Variants in IQCH observed in about 807,000 individuals in gnomAD.
IQCH encodes IQ motif containing H, also known as IQ domain-containing protein H.
In IQCH, 98 loss-of-function variants were observed where a neutral mutation model predicts 117.0. That is an observed-to-expected ratio of 0.84 (90% CI 0.71 to 0.99). The LOEUF (loss-of-function observed/expected upper bound fraction) is 0.99. Among genes scored for constraint, IQCH ranks in the 50% least tolerant of loss-of-function variants. The pLI is 0.00. For missense variants in IQCH, 1,102 were observed against 1,243.8 expected (o/e 0.89, Z 1.72); for synonymous variants, 412 against 448.2 (o/e 0.92, Z 1.02).
At chr15:67,382,507 A>G (rs1488634171) in intron 10 of IQCH, among the ~76,000 whole-genome samples, 1 of 152,256 alleles carries the variant, frequency 6.6e-6, no homozygotes, top group East Asian at 1.9e-4. Context: ...TTGAAGGGCC[A>G]TTATTCTGCC....
intron 4 of IQCH, among the ~76,000 whole-genome samples, chr15:67,280,595 G>A (rs940260069): frequency 6.6e-6 from 1 of 152,100 alleles, no homozygotes; most frequent in African/African-American, 2.4e-5. Flanking sequence ...TCATTCATTA[G>A]GGTTCTACCC....
chr15:67,286,828 G>A lies in IQCH; in HGVS notation c.387+7316G>A, dbSNP rs144144638. 5.0e-3 allele frequency among the ~76,000 whole-genome samples: 761 copies of A among 151,940 alleles called. 8 individuals are homozygous for A. Among genetic ancestry groups the A allele is most frequent in the African/African-American group, 0.018 (730 of 41,444 alleles). On this transcript the variant is annotated intron_variant, in intron 4 of 20. Coordinates refer to ENST00000335894, the MANE Select transcript of IQCH (RefSeq NM_001031715.3). Reference sequence around the variant, plus strand: ...GGGTTTCACCATGTTGGTCAGGCTGGTCTCAAACTCCTGACCTCAAATGAT... The same window carrying A: ...GGGTTTCACCATGTTGGTCAGGCTGATCTCAAACTCCTGACCTCAAATGAT...
rs558881266 is a variant in IQCH, at chr15:67,383,061, CGT to C, written c.1373-1874_1373-1873del. ...GCTCTGCTGATGTCATTGTACATTG[CGT>C]TGTATCTTGTCCATGTAGAATGGTC... On this transcript the variant is annotated intron_variant, in intron 10 of 20. Transcript: ENST00000335894. Among the ~76,000 whole-genome samples the C allele has an allele frequency of 3.1e-4, 47 of 152,144 alleles. No individual in the cohort carries two copies. In the South Asian group the frequency reaches 9.1e-3, roughly 30 times the overall value.
intron 20 of IQCH, among the ~76,000 whole-genome samples, chr15:67,498,201 AT>A: frequency 6.6e-6 from 1 of 152,246 alleles, no homozygotes; most frequent in Non-Finnish European, 1.5e-5. Context: ...AAACCCATAC[AT>A]AATGGCCAAT....
At chr15:67,357,464 A>G (rs1969939767) in intron 7 of IQCH, 43 bp downstream of exon 7, 1 of 1,225,384 alleles carries the variant, frequency 8.2e-7, no homozygotes, top group East Asian at 2.3e-5. Flanking sequence ...ATTCTTATTT[A>G]CAGCACTTTC....
At chr15:67,322,827 G>A (rs1305947686) in intron 4 of IQCH, among the ~76,000 whole-genome samples, 3 of 152,088 alleles carry the variant, frequency 2.0e-5, no homozygotes, top group Admixed American at 2.0e-4. Context: ...TTATCTTCCA[G>A]TCTTGCTGGG....
At position 67,279,520 on chromosome 15, in the gene IQCH, T is replaced by C. The variant is rs774587540; in HGVS notation, c.387+8T>C. On this transcript the variant is annotated splice_region_variant and intron_variant, in intron 4 of 20. Coordinates refer to ENST00000335894, the MANE Select transcript of IQCH (RefSeq NM_001031715.3). The stretch of plus-strand genomic sequence containing the variant: ...GTCTTTCCAAGAGCAAAGGTAGGTA[T>C]AGAGAAATTCATAGAGACAGAAAGT... The C allele has an allele frequency of 2.7e-6, 4 of 1,508,740 alleles. No individual in the cohort carries two copies. The South Asian group carries it at 3.5e-5, about 13-fold the overall frequency. The allele number at this position is 1,508,740 out of a possible 1,614,324, so 93.5% of individuals were successfully genotyped here. A position where few individuals can be genotyped will look rare whatever the true frequency, so the allele number is the denominator to read the frequency against.
intron 4 of IQCH, among the ~76,000 whole-genome samples, chr15:67,300,654 C>CT: frequency 6.6e-6 from 1 of 152,302 alleles, no homozygotes; most frequent in Non-Finnish European, 1.5e-5. Flanking sequence ...TAAATAGCCT[C>CT]TCTCAACTTT....
At chr15:67,460,913 A>G (rs992157669) in intron 16 of IQCH, among the ~76,000 whole-genome samples, 1 of 152,212 alleles carries the variant, frequency 6.6e-6, no homozygotes, top group Admixed American at 6.5e-5. Context: ...ATAAGTCATC[A>G]TAAGTCATGT....
intron 14 of IQCH, among the ~76,000 whole-genome samples, chr15:67,409,785 C>T (rs2081398594): frequency 6.6e-6 from 1 of 152,184 alleles, no homozygotes. Context: ...ATACCAAAAA[C>T]ATTTGTGTGC....
At chr15:67,462,438 A>G (rs2082822056) in intron 16 of IQCH, among the ~76,000 whole-genome samples, 1 of 151,754 alleles carries the variant, frequency 6.6e-6, no homozygotes, top group South Asian at 2.1e-4. Flanking sequence ...AAAAAAAAAA[A>G]AAAGAAAGAA....
rs2082906026 is a variant in IQCH, at chr15:67,465,399, G to GA, written c.2676+105dup. 6.3e-6 allele frequency: 8 copies of GA among 1,264,470 alleles called. No homozygotes were observed. The Admixed American group carries it at 1.1e-4, about 17-fold the overall frequency. The allele number at this position is 1,264,470 out of a possible 1,614,324, so 78.3% of individuals were successfully genotyped here. A position where few individuals can be genotyped will look rare whatever the true frequency, so the allele number is the denominator to read the frequency against. On this transcript the variant is annotated intron_variant, in intron 17 of 20. Transcript: ENST00000335894. This position sits in a 1 kb window ranked among gnomAD's most constrained non-coding sequence, Gnocchi z 5.9. Reference sequence around the variant, plus strand: ...CCAGGATCTTTGAGTACAGGAAGAAGAAAGAGCCTAAGGCAAGTCATTGGA... The same window carrying GA: ...CCAGGATCTTTGAGTACAGGAAGAAGAAAAGAGCCTAAGGCAAGTCATTGGA...
intron 4 of IQCH, among the ~76,000 whole-genome samples, chr15:67,305,196 C>CT (rs1967237668): frequency 6.6e-6 from 1 of 152,002 alleles, no homozygotes; most frequent in Non-Finnish European, 1.5e-5. Flanking sequence ...TTCAAAAGCT[C>CT]TTAAATGTAT....
intron 6 of IQCH, among the ~76,000 whole-genome samples, chr15:67,351,367 T>C (rs4352000): frequency 0.21 from 31,955 of 152,100 alleles, 4,096 homozygotes; most frequent in East Asian, 0.48. Context: ...TGTGTTAGTT[T>C]GCTGAAGGTG....
intron 1 of IQCH, among the ~76,000 whole-genome samples, chr15:67,258,405 C>T (rs567905756): frequency 2.6e-5 from 4 of 151,838 alleles, no homozygotes; most frequent in Middle Eastern, 3.4e-3. Flanking sequence ...GTGGCATGCT[C>T]TTATAATCCC....
intron 6 of IQCH, among the ~76,000 whole-genome samples, chr15:67,355,630 A>G (rs969541870): frequency 2.6e-5 from 4 of 152,104 alleles, no homozygotes; most frequent in Non-Finnish European, 5.9e-5. Context: ...ACAAAAGCAT[A>G]CAAGTTTGTC....
chr15:67,378,150 C>T (rs774547889), intron 10 of IQCH, among the ~76,000 whole-genome samples: 4 of 152,094 alleles, frequency 2.6e-5, no homozygotes, highest in Non-Finnish European at 5.9e-5. Flanking sequence ...AAAGCTTGAA[C>T]TCACCTACAT....
intron 14 of IQCH, among the ~76,000 whole-genome samples, chr15:67,414,345 G>T (rs183039300): frequency 6.6e-6 from 1 of 152,170 alleles, no homozygotes; most frequent in Admixed American, 6.5e-5. Context: ...TGGAGAGCAC[G>T]GAGAAAGCTT....
Position 67,500,034 on chromosome 15 carries a change from T to C in IQCH, c.2971-599T>C, listed in dbSNP as rs1419485416. Among the ~76,000 whole-genome samples the C allele has an allele frequency of 6.6e-6, 1 of 152,150 alleles. No individual in the cohort carries two copies. The highest frequency in any genetic ancestry group is 1.5e-5 in the Non-Finnish European group (1 of 67,998). On this transcript the variant is annotated intron_variant, in intron 20 of 20. Coordinates refer to ENST00000335894, the MANE Select transcript of IQCH (RefSeq NM_001031715.3). This position sits in a 1 kb window ranked among gnomAD's most constrained non-coding sequence, Gnocchi z 4.4. Reference sequence around the variant, plus strand: ...TTGGGGTGATGAAAATGTTCTGGAATTATATAGTAGCGATGGTTACTTGCA... The same window carrying C: ...TTGGGGTGATGAAAATGTTCTGGAACTATATAGTAGCGATGGTTACTTGCA...
Sources: allele counts gnomAD v4.1 joint callset (sites outside exome capture counted in the v4.1 genomes callset), GRCh38; gene constraint gnomAD v4.1.1; non-coding constraint Gnocchi (gnomAD v3.1); transcripts MANE v1.5; gene names NCBI Gene and HGNC (gene_info 2026-07-23, HGNC 2026-07-21).